The following CACNA1D variants were observed in gnomAD, a reference collection of about 807,000 sequenced individuals.
CACNA1D encodes voltage-dependent L-type calcium channel subunit alpha-1D.
In CACNA1D, 55 loss-of-function variants were observed where a neutral mutation model predicts 257.1. The observed-to-expected ratio is 0.21, with a 90% CI of 0.17 to 0.27. CACNA1D has a LOEUF of 0.27. CACNA1D is among the 10% of genes least tolerant of loss of function. The pLI, the probability that CACNA1D is intolerant of heterozygous loss-of-function variation, is 1.00. For synonymous variants in CACNA1D, 980 were observed against 1,014.9 expected (o/e 0.97, Z 0.65); for missense variants, 1,876 against 2,784.0 (o/e 0.67, Z 7.34).
At chr3:53,717,905 A>G (rs144739659) in intron 9 of CACNA1D, among the ~76,000 whole-genome samples, 20 of 152,320 alleles carry the variant, frequency 1.3e-4, no homozygotes, top group African/African-American at 3.8e-4. Flanking sequence ...CAGATGTTCT[A>G]TATGCACCTT....
At chr3:53,603,411 C>G (rs1188237104) in intron 3 of CACNA1D, among the ~76,000 whole-genome samples, 2 of 152,158 alleles carry the variant, frequency 1.3e-5, no homozygotes. Context: ...GATTTCTCAT[C>G]TGTAAAATGA....
At chr3:53,520,533 A>G (rs1455493885) in intron 3 of CACNA1D, among the ~76,000 whole-genome samples, 1 of 152,254 alleles carries the variant, frequency 6.6e-6, no homozygotes, top group East Asian at 1.9e-4. Context: ...TGGGAGGCCA[A>G]GGCGGGTCGG....
chr3:53,559,096 C>A (rs771634406), intron 3 of CACNA1D, among the ~76,000 whole-genome samples: 18 of 152,212 alleles, frequency 1.2e-4, no homozygotes, highest in East Asian at 7.7e-4. Flanking sequence ...ATTAGATAAT[C>A]TCTATTAATC....
rs564875543 is a variant in CACNA1D, at chr3:53,805,811, CCCT to C, written c.5749+677_5749+679del. On this transcript the variant is annotated intron_variant, in intron 45 of 47. Transcript: ENST00000350061. ...ATCTTCCCTCCTCCTCCTCTATCTTCCCTCCTCCTCCTCCATCTTCCCTCCTCC... is the reference window on the plus strand; with the variant it reads ...ATCTTCCCTCCTCCTCCTCTATCTTCCCTCCTCCTCCATCTTCCCTCCTCC... 4.0e-3 allele frequency among the ~76,000 whole-genome samples: 571 copies of C among 142,690 alleles called. 7 individuals carry two copies. The highest frequency in any genetic ancestry group is 0.014 in the African/African-American group (541 of 37,934). 93.6% of individuals were successfully genotyped at this position (142,690 alleles called of 152,430 possible).
chr3:53,595,968 C>A (rs1370853778), intron 3 of CACNA1D, among the ~76,000 whole-genome samples: 1 of 152,092 alleles, frequency 6.6e-6, no homozygotes, highest in Non-Finnish European at 1.5e-5. Flanking sequence ...CGGTTTAGAC[C>A]TTCTTGATCT....
chr3:53,648,422 AGTTAAT>A (rs1243498973), intron 3 of CACNA1D, among the ~76,000 whole-genome samples: 1 of 152,066 alleles, frequency 6.6e-6, no homozygotes. Flanking sequence ...GAGCTTTCAG[AGTTAAT>A]GTTATGGCTT....
chr3:53,513,127 C>T (rs1385262565), intron 3 of CACNA1D, among the ~76,000 whole-genome samples: 1 of 152,176 alleles, frequency 6.6e-6, no homozygotes, highest in African/African-American at 2.4e-5. Flanking sequence ...ACTGGAGGCA[C>T]AGTGGTTATT....
At chr3:53,615,327 A>C (rs369517049) in intron 3 of CACNA1D, among the ~76,000 whole-genome samples, 2 of 152,214 alleles carry the variant, frequency 1.3e-5, no homozygotes, top group East Asian at 1.9e-4. Context: ...GATGCACCAG[A>C]GGATCACCCG....
At chr3:53,724,790 GC>G in intron 14 of CACNA1D, among the ~76,000 whole-genome samples, 1 of 152,342 alleles carries the variant, frequency 6.6e-6, no homozygotes, top group East Asian at 1.9e-4. Context: ...CCCTTTCCAT[GC>G]CCAGCTCTCT....
intron 5 of CACNA1D, among the ~76,000 whole-genome samples, chr3:53,660,753 A>G (rs1047020076): frequency 7.2e-5 from 11 of 152,018 alleles, no homozygotes; most frequent in Middle Eastern, 3.4e-3. Context: ...ATCCTCTACT[A>G]TCAGGAACTG....
chr3:53,801,572 C>T (rs1576715010), intron 42 of CACNA1D, 147 bp downstream of exon 42: 1 of 1,013,968 alleles, frequency 9.9e-7, no homozygotes, highest in Non-Finnish European at 1.5e-6. Flanking sequence ...TGTGAGTGCC[C>T]CCCAGGTCAC....
chr3:53,600,604 A>C (rs556827025), intron 3 of CACNA1D, among the ~76,000 whole-genome samples: 1 of 152,288 alleles, frequency 6.6e-6, no homozygotes, highest in East Asian at 1.9e-4. Flanking sequence ...TTCAACTATT[A>C]CTCAATACCA....
chr3:53,613,991 A>G (rs2093609720), intron 3 of CACNA1D, among the ~76,000 whole-genome samples: 1 of 152,018 alleles, frequency 6.6e-6, no homozygotes, highest in South Asian at 2.1e-4. Context: ...TAAAGAAGAT[A>G]GGAATAGATA....
Position 53,650,210 on chromosome 3 carries a change from A to T in CACNA1D, c.484-569A>T, listed in dbSNP as rs565729798. Among the ~76,000 whole-genome samples, 10 of 152,358 alleles carry T rather than the reference A, an allele frequency of 6.6e-5. No individual in the cohort carries two copies. In the East Asian group the frequency reaches 1.9e-3, roughly 29 times the overall value. On this transcript the variant is annotated intron_variant, in intron 3 of 47. Coordinates refer to ENST00000350061, the MANE Select transcript of CACNA1D (RefSeq NM_001128840.3). ...TTTACTTCCCTTATTGTGTGGATGC[A>T]AAAACTTATATCCAGAGGAGGAGAA...
chr3:53,664,286 A>T (rs758519002), intron 5 of CACNA1D, among the ~76,000 whole-genome samples: 1 of 152,086 alleles, frequency 6.6e-6, no homozygotes, highest in Non-Finnish European at 1.5e-5. Context: ...CCCTGGCTCA[A>T]ATAACTGGTG....
chr3:53,673,006 C>T lies in CACNA1D; in HGVS notation c.1117-17C>T, dbSNP rs766104923. 6.6e-7 allele frequency: 1 copy of T among 1,515,980 alleles called. No individual in the cohort carries two copies. The highest frequency in any genetic ancestry group is 1.4e-5 in the African/African-American group (1 of 72,376). The allele number at this position is 1,515,980 out of a possible 1,614,324, so 93.9% of individuals were successfully genotyped here. Reference sequence around the variant, plus strand: ...TCTTATTAACCCACTCCTATGAGACCATCTTATTTCTTGCAGATGAATGAT... The same window carrying T: ...TCTTATTAACCCACTCCTATGAGACTATCTTATTTCTTGCAGATGAATGAT... On this transcript the variant is annotated splice_polypyrimidine_tract_variant and intron_variant, in intron 7 of 47. Coordinates refer to ENST00000350061, the MANE Select transcript of CACNA1D (RefSeq NM_001128840.3). The surrounding 1 kb of genome is among the most constrained non-coding windows in gnomAD (Gnocchi z 4.1).
At chr3:53,703,654 G>A (rs1380500723) in intron 9 of CACNA1D, among the ~76,000 whole-genome samples, 7 of 152,234 alleles carry the variant, frequency 4.6e-5, no homozygotes, top group African/African-American at 1.7e-4. Context: ...CGTACTTCAA[G>A]TGCACATGTC....
In CACNA1D at chr3:53,751,694, C is replaced by T; in HGVS notation, c.3517-55C>T. On this transcript the variant is annotated intron_variant, in intron 27 of 47. Coordinates refer to ENST00000350061, the MANE Select transcript of CACNA1D (RefSeq NM_001128840.3). This position sits in a 1 kb window ranked among gnomAD's most constrained non-coding sequence, Gnocchi z 4.3. ...CTTTCAGAGCAGATGACCACGGGGT[C>T]CTCCTTCCCTGCAAGTGCTCAGAAC... 1.3e-6 allele frequency: 2 copies of T among 1,591,142 alleles called. No individual in the cohort carries two copies. The highest frequency in any genetic ancestry group is 1.7e-6 in the Non-Finnish European group (2 of 1,159,586).
intron 3 of CACNA1D, among the ~76,000 whole-genome samples, chr3:53,583,792 G>A (rs1209312206): frequency 6.6e-6 from 1 of 151,026 alleles, no homozygotes; most frequent in African/African-American, 2.4e-5. Context: ...TAAGGTGCTG[G>A]AATGACAGAG....
Sources: gnomAD v4.1 joint callset for allele counts (sites outside exome capture counted in the v4.1 genomes callset) on GRCh38, gnomAD v4.1.1 for gene constraint, Gnocchi (gnomAD v3.1) non-coding constraint, MANE v1.5 for transcripts, NCBI Gene and HGNC (gene_info 2026-07-23, HGNC 2026-07-21) for gene names.